VWC2: variants seen among roughly 807,000 people sequenced by gnomAD.
VWC2 encodes the protein brorin.
Under a neutral mutation model 29.8 loss-of-function variants are expected in VWC2, and 14 were observed. The ratio of observed to expected loss-of-function variants is 0.47; its 90% confidence interval spans 0.31 to 0.74. VWC2 has a LOEUF of 0.74. Among genes scored for constraint, VWC2 ranks in the 30% least tolerant of loss-of-function variants. The probability of loss-of-function intolerance (pLI) is 0.05; values close to 1 mark genes in which losing one functional copy is unlikely to be tolerated. For synonymous variants in VWC2, 213 were observed against 199.0 expected, an observed-to-expected ratio of 1.07 and a Z score of -0.59; for missense variants, 457 against 459.8, an observed-to-expected ratio of 0.99 and a Z score of 0.05.
chr7:49,813,931 G>A (rs1789071068), intron 3 of VWC2, among the ~76,000 whole-genome samples: 1 of 152,132 alleles, frequency 6.6e-6, no homozygotes, highest in Non-Finnish European at 1.5e-5. Context: ...TTTTCTTGGT[G>A]CTGAAGCCTG....
intron 3 of VWC2, among the ~76,000 whole-genome samples, chr7:49,834,864 C>A (rs1583659493): frequency 6.6e-6 from 1 of 152,200 alleles, no homozygotes; most frequent in South Asian, 2.1e-4. Flanking sequence ...GAGCCACCCT[C>A]TGCATACAGT....
intron 2 of VWC2, among the ~76,000 whole-genome samples, chr7:49,794,762 C>T (rs1353611828): frequency 2.6e-5 from 4 of 152,154 alleles, no homozygotes; most frequent in Non-Finnish European, 5.9e-5. Flanking sequence ...TAGTTCAGTT[C>T]GGCCAGTCTA....
intron 3 of VWC2, among the ~76,000 whole-genome samples, chr7:49,850,048 C>T (rs575967053): frequency 7.9e-5 from 12 of 152,246 alleles, no homozygotes; most frequent in Non-Finnish European, 1.6e-4. Context: ...TATCCTAGCA[C>T]AGGTGCAGGA....
chr7:49,880,967 T>C (rs1791636768), intron 3 of VWC2, among the ~76,000 whole-genome samples: 1 of 152,204 alleles, frequency 6.6e-6, no homozygotes, highest in Non-Finnish European at 1.5e-5. Context: ...TGTGCTTTTT[T>C]AAAGAGTAAG....
intron 2 of VWC2, among the ~76,000 whole-genome samples, chr7:49,791,700 C>G (rs1788465562): frequency 6.6e-6 from 1 of 152,158 alleles, no homozygotes; most frequent in Non-Finnish European, 1.5e-5. Flanking sequence ...GGCATCTGAC[C>G]CCTTGGCTTT....
chr7:49,812,287 G>A (rs577612506), intron 3 of VWC2, among the ~76,000 whole-genome samples: 62 of 152,238 alleles, frequency 4.1e-4, no homozygotes, highest in African/African-American at 1.4e-3. Flanking sequence ...CTTACACTGG[G>A]TGAGTTTTAT....
intron 3 of VWC2, among the ~76,000 whole-genome samples, chr7:49,833,065 A>G (rs978209520): frequency 6.6e-6 from 1 of 152,224 alleles, no homozygotes; most frequent in Non-Finnish European, 1.5e-5. Flanking sequence ...AAAGGATACT[A>G]TGAAGGTTAG....
At chr7:49,801,714 A>T (rs1375284144) in intron 2 of VWC2, among the ~76,000 whole-genome samples, 1 of 152,270 alleles carries the variant, frequency 6.6e-6, no homozygotes, top group African/African-American at 2.4e-5. Flanking sequence ...ACTCGCAGTC[A>T]GGAGCCCTCA....
chr7:49,908,361 A>G, intron 3 of VWC2, among the ~76,000 whole-genome samples: 1 of 152,308 alleles, frequency 6.6e-6, no homozygotes. Context: ...TTGGTGAGGG[A>G]CTTAGAAGTT....
At chr7:49,811,964 T>TACACAA (rs1789020602) in intron 3 of VWC2, among the ~76,000 whole-genome samples, 1 of 152,220 alleles carries the variant, frequency 6.6e-6, no homozygotes, top group African/African-American at 2.4e-5. Context: ...ACAAATGTAG[T>TACACAA]ATATCCATGT....
At chr7:49,796,368 C>T (rs1583633033) in intron 2 of VWC2, among the ~76,000 whole-genome samples, 1 of 152,150 alleles carries the variant, frequency 6.6e-6, no homozygotes, top group East Asian at 1.9e-4. Context: ...TCTCTAGCTG[C>T]CGAAAGCCAG....
chr7:49,819,248 G>T (rs1256158046), intron 3 of VWC2, among the ~76,000 whole-genome samples: 1 of 152,162 alleles, frequency 6.6e-6, no homozygotes, highest in Non-Finnish European at 1.5e-5. Flanking sequence ...CGAACAAATG[G>T]AACTCTACAG....
intron 2 of VWC2, among the ~76,000 whole-genome samples, chr7:49,801,908 C>A (rs796134927): frequency 3.9e-5 from 6 of 152,324 alleles, no homozygotes; most frequent in African/African-American, 1.4e-4. Flanking sequence ...GCTTGGATGC[C>A]ACCCTGTTTC....
At chr7:49,859,790 GCACACA>G (rs57768700) in intron 3 of VWC2, among the ~76,000 whole-genome samples, 12 of 12,022 alleles carry the variant, frequency 1.0e-3, no homozygotes, top group East Asian at 0.01. Context: ...GCGCGTGCGT[GCACACA>G]CACACACACA....
intron 2 of VWC2, among the ~76,000 whole-genome samples, chr7:49,791,603 A>G (rs1435983787): frequency 6.6e-6 from 1 of 152,190 alleles, no homozygotes; most frequent in Non-Finnish European, 1.5e-5. Context: ...GAAGTGACTC[A>G]GCTTTTCAGG....
chr7:49,789,429 G>A (rs114183109), intron 2 of VWC2, among the ~76,000 whole-genome samples: 3,236 of 151,722 alleles, frequency 0.021, 126 homozygotes, highest in African/African-American at 0.072. Flanking sequence ...TCCCCCCATT[G>A]GCCACAGTCC....
intron 3 of VWC2, among the ~76,000 whole-genome samples, chr7:49,887,207 T>C (rs1791941800): frequency 6.6e-6 from 1 of 152,250 alleles, no homozygotes; most frequent in African/African-American, 2.4e-5. Flanking sequence ...ACTGAACAGA[T>C]GCTAGATTTG....
intron 3 of VWC2, among the ~76,000 whole-genome samples, chr7:49,907,427 G>A (rs1793164581): frequency 6.6e-6 from 1 of 152,134 alleles, no homozygotes; most frequent in Non-Finnish European, 1.5e-5. Flanking sequence ...AATGACATTT[G>A]CATTGTAATT....
chr7:49,795,104 C>A (rs766156485), intron 2 of VWC2, among the ~76,000 whole-genome samples: 2 of 152,094 alleles, frequency 1.3e-5, no homozygotes, highest in Non-Finnish European at 2.9e-5. Flanking sequence ...ATGTAGTAAG[C>A]CTATGCAATT....
Sources: allele counts gnomAD v4.1 joint callset (sites outside exome capture counted in the v4.1 genomes callset), GRCh38; gene constraint gnomAD v4.1.1; transcripts MANE v1.5; gene names NCBI Gene and HGNC (gene_info 2026-07-23, HGNC 2026-07-21).